Variants in PRKRIP1 observed in about 807,000 individuals in gnomAD.
PRKRIP1 encodes the protein PRKR-interacting protein 1.
Under a neutral mutation model 29.3 loss-of-function variants are expected in PRKRIP1, and 29 were observed. That is an observed-to-expected ratio of 0.99 (90% confidence interval 0.74 to 1.35). PRKRIP1 has a LOEUF of 1.35. Ranked by LOEUF, PRKRIP1 falls within the 40% of genes most tolerant of loss-of-function variation. The pLI, the probability that PRKRIP1 is intolerant of heterozygous loss-of-function variation, is 0.00. For synonymous variants in PRKRIP1, 90 were observed against 85.1 expected, an observed-to-expected ratio of 1.06 and a Z score of -0.32; for missense variants, 247 against 236.8, an observed-to-expected ratio of 1.04 and a Z score of -0.28.
At chr7:102,424,427 GA>G (rs1796782762) in intron 5 of PRKRIP1, among the ~76,000 whole-genome samples, 1 of 152,250 alleles carries the variant, frequency 6.6e-6, no homozygotes, top group Non-Finnish European at 1.5e-5. Flanking sequence ...CCCGCGTGAA[GA>G]GGGGGAGGGG....
At chr7:102,413,465 T>G (rs1796448657) in intron 5 of PRKRIP1, among the ~76,000 whole-genome samples, 1 of 152,134 alleles carries the variant, frequency 6.6e-6, no homozygotes, top group African/African-American at 2.4e-5. Flanking sequence ...AAGAACAACA[T>G]CAAAAATAAA....
Position 102,423,018 on chromosome 7 carries a change from G to A in PRKRIP1, c.458-1996G>A, listed in dbSNP as rs376338632. On this transcript the variant is annotated intron_variant, in intron 5 of 5. Transcript: ENST00000397912. ...GCATTTTCAAAGGCTTTTCAGCCACGGGGAATGCTTCCAGTCCTCCTCTGT... is the reference window on the plus strand; with the variant it reads ...GCATTTTCAAAGGCTTTTCAGCCACAGGGAATGCTTCCAGTCCTCCTCTGT... 1.4e-4 allele frequency: 50 copies of A among 363,840 alleles called. 1 individual carries two copies. The East Asian group carries it at 2.7e-3, about 20-fold the overall frequency. 22.5% of individuals were successfully genotyped at this position (363,840 alleles called of 1,614,324 possible).
intron 3 of PRKRIP1, among the ~76,000 whole-genome samples, chr7:102,400,393 C>G (rs1383037767): frequency 6.6e-6 from 1 of 152,108 alleles, no homozygotes; most frequent in Non-Finnish European, 1.5e-5. Context: ...AACTACTGAT[C>G]TGTACAGCAA....
intron 4 of PRKRIP1, among the ~76,000 whole-genome samples, chr7:102,405,413 C>T (rs1333773587): frequency 1.3e-5 from 2 of 152,042 alleles, no homozygotes; most frequent in Admixed American, 6.6e-5. Flanking sequence ...TAACAACAGC[C>T]CCTAAATATC....
rs782645294 is a variant in PRKRIP1 at position 102,425,519 on chromosome 7, C to T, written c.*408C>T. The stretch of plus-strand genomic sequence containing the variant: ...GAAGGCTGAGATGCCACCATTCCCA[C>T]GGGGACTGAAGACACATTACGTGGA... On this transcript the variant is annotated 3_prime_UTR_variant, in exon 6 of 6. Coordinates refer to ENST00000397912, the MANE Select transcript of PRKRIP1 (RefSeq NM_024653.4). 4 of 295,964 alleles carry T rather than the reference C, an allele frequency of 1.4e-5. No homozygotes were observed. The highest frequency in any genetic ancestry group is 1.4e-4 in the East Asian group (1 of 7,016). 18.3% of individuals were successfully genotyped at this position (295,964 alleles called of 1,614,324 possible).
chr7:102,398,720 A>G (rs1253470730), intron 2 of PRKRIP1, among the ~76,000 whole-genome samples: 3 of 152,226 alleles, frequency 2.0e-5, no homozygotes, highest in Admixed American at 1.3e-4. Context: ...CAGGCAACCT[A>G]GTTAAAGTGA....
At position 102,425,752 on chromosome 7, in the gene PRKRIP1, G is replaced by C. The variant is rs77602776; in HGVS notation, c.*641G>C. The C allele has an allele frequency of 0.073, 11,735 of 159,912 alleles. 477 individuals carry two copies. The highest frequency in any genetic ancestry group is 0.093 in the African/African-American group (3,863 of 41,592). The allele number at this position is 159,912 out of a possible 1,614,324, so 9.9% of individuals were successfully genotyped here. On this transcript the variant is annotated 3_prime_UTR_variant, in exon 6 of 6. Transcript: ENST00000397912. ...CAGGGGCTGGGTCACAAGGGCACAG[G>C]GTGTGTGGAAAGCGCTGTGGGGGAA...
intron 5 of PRKRIP1, among the ~76,000 whole-genome samples, chr7:102,416,098 A>G (rs1586690958): frequency 6.6e-6 from 1 of 152,220 alleles, no homozygotes; most frequent in East Asian, 1.9e-4. Context: ...CCCCGGCCCT[A>G]GAAGTCGCCT....
chr7:102,414,969 C>T (rs1554572910), intron 5 of PRKRIP1, among the ~76,000 whole-genome samples: 2 of 152,078 alleles, frequency 1.3e-5, no homozygotes, highest in African/African-American at 2.4e-5. Context: ...GAACTCCTGG[C>T]TCTGGAAATA....
intron 2 of PRKRIP1, among the ~76,000 whole-genome samples, chr7:102,398,469 G>A (rs1226253107): frequency 6.6e-6 from 1 of 151,906 alleles, no homozygotes; most frequent in Non-Finnish European, 1.5e-5. Flanking sequence ...ATTTTTAGTA[G>A]AGACTGGGTT....
intron 5 of PRKRIP1, among the ~76,000 whole-genome samples, chr7:102,408,437 G>A (rs10233236): frequency 2.0e-5 from 3 of 152,138 alleles, no homozygotes; most frequent in Admixed American, 6.5e-5. Context: ...AGGAGGCAGG[G>A]TTGGCTGTTA....
At chr7:102,400,006 A>G (rs1796020598) in intron 3 of PRKRIP1, among the ~76,000 whole-genome samples, 1 of 151,546 alleles carries the variant, frequency 6.6e-6, no homozygotes, top group Admixed American at 6.6e-5. Flanking sequence ...CATCTCAAAA[A>G]AAAAAAAAAA....
At chr7:102,398,370 C>T (rs368949800) in intron 2 of PRKRIP1, among the ~76,000 whole-genome samples, 27 of 152,156 alleles carry the variant, frequency 1.8e-4, no homozygotes, top group African/African-American at 3.6e-4. Context: ...CTGCAACCTC[C>T]GCCTTCCGGG....
In PRKRIP1 at chr7:102,419,799, G is replaced by A. The variant is rs782035490; in HGVS notation, c.458-5215G>A. On this transcript the variant is annotated intron_variant, in intron 5 of 5. Coordinates refer to ENST00000397912, the MANE Select transcript of PRKRIP1 (RefSeq NM_024653.4). ...TTGTATCCAAGTTTTGGTGATTATG[G>A]ATAAAGCTTCAACAGACATTTGTGT... Among the ~76,000 whole-genome samples, 5 of 151,570 alleles carry A rather than the reference G, an allele frequency of 3.3e-5. No homozygotes were observed. In the East Asian group the frequency reaches 9.7e-4, roughly 29 times the overall value.
At chr7:102,400,870 A>C (rs1796049179) in intron 3 of PRKRIP1, among the ~76,000 whole-genome samples, 1 of 152,056 alleles carries the variant, frequency 6.6e-6, no homozygotes, top group Non-Finnish European at 1.5e-5. Flanking sequence ...TCCTGACCTC[A>C]AGTGATCCAC....
intron 1 of PRKRIP1, among the ~76,000 whole-genome samples, chr7:102,397,332 C>G (rs576666938): frequency 2.1e-4 from 32 of 151,932 alleles, no homozygotes; most frequent in Non-Finnish European, 4.6e-4. Context: ...GGTCCGAGGC[C>G]AGGAAGGAGT....
At chr7:102,406,437 G>A (rs1425138883) in intron 4 of PRKRIP1, among the ~76,000 whole-genome samples, 1 of 152,128 alleles carries the variant, frequency 6.6e-6, no homozygotes, top group Non-Finnish European at 1.5e-5. Context: ...AGAGAAGACG[G>A]CACTTCAAAA....
At chr7:102,396,725 G>A (rs1247553803) in intron 1 of PRKRIP1, among the ~76,000 whole-genome samples, 188 bp downstream of exon 1, 1 of 152,202 alleles carries the variant, frequency 6.6e-6, no homozygotes, top group Admixed American at 6.5e-5. Flanking sequence ...CTTCCCGTCT[G>A]TCCTTGTGTG....
Position 102,422,284 on chromosome 7 carries a change from C to T in PRKRIP1, c.458-2730C>T, listed in dbSNP as rs551466756. 2.6e-5 allele frequency among the ~76,000 whole-genome samples: 4 copies of T among 151,396 alleles called. No homozygotes were observed. In the South Asian group the frequency reaches 6.2e-4, roughly 24 times the overall value. On this transcript the variant is annotated intron_variant, in intron 5 of 5. Transcript: ENST00000397912. ...CTCCCTCCCGGGTTCAAGCGATTCT[C>T]CTGCTTCAGCCTCCCAATTAGCTGG...
Sources: allele counts gnomAD v4.1 joint callset (sites outside exome capture counted in the v4.1 genomes callset), GRCh38; gene constraint gnomAD v4.1.1; transcripts MANE v1.5; gene names NCBI Gene and HGNC (gene_info 2026-07-23, HGNC 2026-07-21).